The following CSMD1 variants were observed in gnomAD, a reference collection of about 807,000 sequenced individuals.
The protein encoded by CSMD1 is CUB and Sushi multiple domains 1.
A neutral mutation model predicts 417.5 loss-of-function variants in CSMD1; 213 were observed. The ratio of observed to expected loss-of-function variants is 0.51; its 90% CI spans 0.46 to 0.57. CSMD1 has a LOEUF of 0.57. Among genes scored for constraint, CSMD1 ranks in the 20% least tolerant of loss-of-function variants. The pLI is 0.00. For missense variants in CSMD1, 6,923 were observed against 4,529.7 expected (o/e 1.53, Z -15.17); for synonymous variants, 2,862 against 1,736.8 (o/e 1.65, Z -16.11).
chr8:4,751,534 C>T (rs1198959238), intron 1 of CSMD1, among the ~76,000 whole-genome samples: 5 of 152,046 alleles, frequency 3.3e-5, no homozygotes, highest in African/African-American at 1.2e-4. Flanking sequence ...TTATTTTATC[C>T]CTTTAATTCC....
intron 1 of CSMD1, among the ~76,000 whole-genome samples, chr8:4,638,983 C>A (rs1182539877): frequency 1.3e-5 from 2 of 152,170 alleles, no homozygotes; most frequent in African/African-American, 4.8e-5. Context: ...CCCCAGGCTT[C>A]CTGCAAGAAC....
At chr8:4,561,406 G>A (rs1372595229) in intron 2 of CSMD1, among the ~76,000 whole-genome samples, 1 of 152,176 alleles carries the variant, frequency 6.6e-6, no homozygotes, top group Non-Finnish European at 1.5e-5. Flanking sequence ...ATTCTGGCCA[G>A]GCACAGTGGC....
Position 4,352,107 on chromosome 8 carries a change from T to A in CSMD1, c.415+67846A>T, listed in dbSNP as rs1801132231. On this transcript the variant is annotated intron_variant, in intron 3 of 69. Coordinates refer to ENST00000635120, the MANE Select transcript of CSMD1 (RefSeq NM_033225.6). ...TTCTACTGCTGGAATACTTTGTAAA[T>A]TAGAGAATGAGGTGGACTGGCCTGT... 4.6e-5 allele frequency among the ~76,000 whole-genome samples: 7 copies of A among 152,184 alleles called. No individual in the cohort carries two copies. The South Asian group carries it at 1.5e-3, about 32-fold the overall frequency.
chr8:3,842,993 T>A (rs1803233989), intron 5 of CSMD1, among the ~76,000 whole-genome samples: 1 of 152,210 alleles, frequency 6.6e-6, no homozygotes, highest in Non-Finnish European at 1.5e-5. Flanking sequence ...TTGCTCAGTT[T>A]GATTTCTAAA....
At chr8:3,996,229 G>C (rs1024130029) in intron 5 of CSMD1, among the ~76,000 whole-genome samples, 11 of 152,162 alleles carry the variant, frequency 7.2e-5, no homozygotes, top group African/African-American at 2.7e-4. Context: ...AAGGTGTGCA[G>C]TCAATGCCCA....
chr8:4,415,493 C>G (rs896338430), intron 3 of CSMD1, among the ~76,000 whole-genome samples: 2 of 152,166 alleles, frequency 1.3e-5, no homozygotes, highest in African/African-American at 4.8e-5. Context: ...CTACATGGCC[C>G]ACGTAGACCT....
intron 54 of CSMD1, among the ~76,000 whole-genome samples, chr8:2,993,992 A>AT (rs969683022): frequency 6.6e-6 from 1 of 151,228 alleles, no homozygotes; most frequent in Non-Finnish European, 1.5e-5. Context: ...AAAAAAAAAA[A>AT]AAAGAAAAAA....
intron 3 of CSMD1, among the ~76,000 whole-genome samples, chr8:4,388,943 G>A (rs1803655509): frequency 6.6e-6 from 1 of 152,064 alleles, no homozygotes; most frequent in African/African-American, 2.4e-5. Flanking sequence ...AAAACCTGTT[G>A]CCATCTCTAC....
intron 2 of CSMD1, among the ~76,000 whole-genome samples, chr8:4,592,639 G>A (rs1039747538): frequency 2.0e-5 from 3 of 152,056 alleles, no homozygotes; most frequent in Non-Finnish European, 2.9e-5. Context: ...CGCCTGTCTT[G>A]GCCTCCCAAA....
chr8:3,399,217 G>C (rs1332345079), intron 16 of CSMD1, among the ~76,000 whole-genome samples, 174 bp downstream of exon 16: 2 of 152,136 alleles, frequency 1.3e-5, no homozygotes, highest in Non-Finnish European at 2.9e-5. Flanking sequence ...TGGGCTTAGA[G>C]GATACCACTG....
chr8:3,664,598 G>C (rs561354339), intron 7 of CSMD1, among the ~76,000 whole-genome samples: 2 of 152,290 alleles, frequency 1.3e-5, no homozygotes, highest in East Asian at 3.9e-4. Context: ...CCTCTGCCTT[G>C]TATTATTCTG....
intron 28 of CSMD1, among the ~76,000 whole-genome samples, chr8:3,220,470 G>C (rs1196976131): frequency 3.9e-5 from 6 of 152,130 alleles, no homozygotes; most frequent in Non-Finnish European, 8.8e-5. Context: ...TAAGAGAAAG[G>C]CTGAGCTTGG....
At position 3,493,641 on chromosome 8, in the gene CSMD1, G is replaced by A. The variant is rs186109378; in HGVS notation, c.1430C>T (p.Thr477Ile). Reference sequence around the variant, plus strand: ...TACTCACACGTACAAGACCGATCTGGTGTCTCCCACCTTCCCAGCATCACC... The same window carrying A: ...TACTCACACGTACAAGACCGATCTGATGTCTCCCACCTTCCCAGCATCACC... ...TVGDAGKVGDTRSVLYVLTGS... is the reference protein window; with the variant it reads ...TVGDAGKVGDIRSVLYVLTGS... The change falls in exon 11 of 70, where the codon ACC (threonine) becomes ATC (isoleucine). Residue 477 changes from threonine (T) to isoleucine (I), a missense_variant. Thr to Ile is a moderately conservative substitution (Grantham distance 89, BLOSUM62 -1). Coordinates refer to ENST00000635120, the MANE Select transcript of CSMD1 (RefSeq NM_033225.6). The A allele has an allele frequency of 2.5e-6, 4 of 1,610,892 alleles. No homozygotes were observed. The Admixed American group carries it at 6.7e-5, about 27-fold the overall frequency.
Position 3,307,836 on chromosome 8 carries a change from G to C in CSMD1, c.3824-15C>G, listed in dbSNP as rs373330255. 250 of 1,606,998 alleles carry C rather than the reference G, an allele frequency of 1.6e-4. No homozygotes were observed. In the East Asian group the frequency reaches 3.9e-3, roughly 25 times the overall value. On this transcript the variant is annotated splice_polypyrimidine_tract_variant and intron_variant, in intron 24 of 69. Transcript: ENST00000635120. Reference sequence around the variant, plus strand: ...ACCACATTCCGCTGTAGAAGACACAGAGAGATGGGAACGTTCAGCTTCAGG... The same window carrying C: ...ACCACATTCCGCTGTAGAAGACACACAGAGATGGGAACGTTCAGCTTCAGG...
At chr8:4,551,131 G>C (rs1458173728) in intron 2 of CSMD1, among the ~76,000 whole-genome samples, 2 of 152,192 alleles carry the variant, frequency 1.3e-5, no homozygotes, top group African/African-American at 4.8e-5. Flanking sequence ...ACTGACCTGG[G>C]TCTGGCAACA....
intron 10 of CSMD1, among the ~76,000 whole-genome samples, chr8:3,546,410 C>A (rs1762759953): frequency 6.6e-6 from 1 of 151,974 alleles, no homozygotes; most frequent in Admixed American, 6.6e-5. Context: ...GTGGCATATT[C>A]CTGTAGTCCC....
chr8:4,210,515 A>G (rs1800242138), intron 3 of CSMD1, among the ~76,000 whole-genome samples: 1 of 152,236 alleles, frequency 6.6e-6, no homozygotes, highest in Admixed American at 6.5e-5. Flanking sequence ...CTTATATCTT[A>G]GTGTGAAATT....
At chr8:4,607,613 G>A (rs765296402) in intron 2 of CSMD1, among the ~76,000 whole-genome samples, 2 of 152,040 alleles carry the variant, frequency 1.3e-5, no homozygotes, top group African/African-American at 2.4e-5. Context: ...AACATCATGA[G>A]AGTTCTGGCG....
chr8:4,486,868 T>A (rs527730309), intron 2 of CSMD1, among the ~76,000 whole-genome samples: 2 of 152,096 alleles, frequency 1.3e-5, no homozygotes, highest in African/African-American at 2.4e-5. Context: ...AAGCTCACAA[T>A]GTTGCACCTA....
Sources: gnomAD v4.1 joint callset for allele counts (sites outside exome capture counted in the v4.1 genomes callset) on GRCh38, gnomAD v4.1.1 for gene constraint, MANE v1.5 for transcripts, NCBI Gene and HGNC (gene_info 2026-07-23, HGNC 2026-07-21) for gene names.